MLIP: variants seen among roughly 807,000 people sequenced by gnomAD.
The protein encoded by MLIP is muscular LMNA-interacting protein.
A neutral mutation model predicts 84.8 loss-of-function variants in MLIP; 79 were observed. That is an observed-to-expected ratio of 0.93 (90% CI 0.78 to 1.12). The LOEUF is 1.12. Ranked by LOEUF, MLIP falls within the 50% of genes most tolerant of loss-of-function variation. The probability of loss-of-function intolerance (pLI) is 0.00; values close to 1 mark genes in which losing one functional copy is unlikely to be tolerated. For missense variants in MLIP, 1,257 were observed against 1,160.6 expected (o/e 1.08, Z -1.21); for synonymous variants, 504 against 463.0 (o/e 1.09, Z -1.14).
chr6:54,099,912 T>G (rs1036855793), intron 1 of MLIP, among the ~76,000 whole-genome samples: 1 of 152,002 alleles, frequency 6.6e-6, no homozygotes, highest in Admixed American at 6.6e-5. Context: ...ATGATAAAAG[T>G]TGATCAGAGA....
intron 3 of MLIP, among the ~76,000 whole-genome samples, chr6:54,134,426 T>C (rs1771639889): frequency 6.6e-6 from 1 of 151,940 alleles, no homozygotes; most frequent in Non-Finnish European, 1.5e-5. Flanking sequence ...AAGGAATATG[T>C]TGCATATACT....
chr6:54,080,928 C>A (rs1412868165), intron 1 of MLIP, among the ~76,000 whole-genome samples: 3 of 151,818 alleles, frequency 2.0e-5, no homozygotes, highest in Admixed American at 2.0e-4. Context: ...AAGATTTATT[C>A]TCCTCTTTCA....
chr6:54,192,401 T>G (rs945858626), intron 10 of MLIP, among the ~76,000 whole-genome samples: 1 of 151,952 alleles, frequency 6.6e-6, no homozygotes, highest in Non-Finnish European at 1.5e-5. Context: ...TACCCGAGAG[T>G]GAAATAAATA....
chr6:54,223,236 GT>G (rs1455773316), intron 11 of MLIP, among the ~76,000 whole-genome samples: 1 of 151,476 alleles, frequency 6.6e-6, no homozygotes, highest in Non-Finnish European at 1.5e-5. Context: ...ATTTTTTTAA[GT>G]TTGTTGCAAT....
At chr6:54,053,541 T>C (rs937544733) in intron 1 of MLIP, among the ~76,000 whole-genome samples, 3 of 152,224 alleles carry the variant, frequency 2.0e-5, no homozygotes, top group African/African-American at 2.4e-5. Flanking sequence ...TATTAATTTC[T>C]TGATTTACCA....
chr6:54,101,506 A>G (rs1768644624), intron 1 of MLIP, among the ~76,000 whole-genome samples: 1 of 152,134 alleles, frequency 6.6e-6, no homozygotes, highest in Non-Finnish European at 1.5e-5. Flanking sequence ...ATGGAATTTG[A>G]GTAAGTTATA....
chr6:54,051,320 A>C (rs1765362187), intron 1 of MLIP, among the ~76,000 whole-genome samples: 1 of 151,586 alleles, frequency 6.6e-6, no homozygotes, highest in African/African-American at 2.4e-5. Flanking sequence ...TCTTTGAATT[A>C]AATTGTTTAA....
At chr6:54,264,393 G>C (rs769702712) in intron 13 of MLIP, among the ~76,000 whole-genome samples, 10 of 151,928 alleles carry the variant, frequency 6.6e-5, no homozygotes, top group Non-Finnish European at 1.5e-4. Flanking sequence ...CTAAGTAATG[G>C]CTATGTGAAC....
At chr6:54,198,475 T>C (rs1778448729) in intron 10 of MLIP, among the ~76,000 whole-genome samples, 1 of 152,148 alleles carries the variant, frequency 6.6e-6, no homozygotes, top group South Asian at 2.1e-4. Flanking sequence ...TATGCTGTTT[T>C]ATAGACTTTC....
At chr6:54,028,972 T>G (rs1282021809) in intron 1 of MLIP, 1 of 152,238 alleles carries the variant, frequency 6.6e-6, no homozygotes, top group Non-Finnish European at 1.5e-5. Flanking sequence ...TTCACACTGA[T>G]TTTTCTCTTT....
chr6:54,179,925 A>G (rs1776679649), intron 9 of MLIP, among the ~76,000 whole-genome samples: 1 of 152,220 alleles, frequency 6.6e-6, no homozygotes, highest in East Asian at 1.9e-4. Context: ...CTTCCTGCTC[A>G]TTAACAGTCT....
intron 12 of MLIP, among the ~76,000 whole-genome samples, chr6:54,233,103 G>C (rs1324572338): frequency 6.6e-6 from 1 of 152,156 alleles, no homozygotes; most frequent in Non-Finnish European, 1.5e-5. Context: ...TTTCATCCTG[G>C]AATAAAACAG....
intron 1 of MLIP, among the ~76,000 whole-genome samples, chr6:54,049,922 G>A (rs1765280854): frequency 6.6e-6 from 1 of 152,110 alleles, no homozygotes; most frequent in Admixed American, 6.6e-5. Context: ...ATACTAAAGT[G>A]CAACATTGTA....
chr6:54,088,930 C>G (rs1024474275), intron 1 of MLIP, among the ~76,000 whole-genome samples: 6 of 151,996 alleles, frequency 3.9e-5, no homozygotes, highest in Non-Finnish European at 8.8e-5. Flanking sequence ...ACCTTGGGGG[C>G]CACCTTTTTT....
At chr6:54,078,856 T>G (rs1766965159) in intron 1 of MLIP, among the ~76,000 whole-genome samples, 1 of 152,006 alleles carries the variant, frequency 6.6e-6, no homozygotes, top group African/African-American at 2.4e-5. Context: ...CACATGCAGC[T>G]AATTTTTGCA....
intron 1 of MLIP, among the ~76,000 whole-genome samples, chr6:54,037,516 A>C (rs1764512390): frequency 6.6e-6 from 1 of 151,970 alleles, no homozygotes; most frequent in African/African-American, 2.4e-5. Context: ...AGCCTGTGAA[A>C]GAGGCTTAAT....
chr6:54,048,607 AG>A (rs1466953510), intron 1 of MLIP, among the ~76,000 whole-genome samples: 1 of 152,198 alleles, frequency 6.6e-6, no homozygotes, highest in Non-Finnish European at 1.5e-5. Context: ...GGCAGCCATC[AG>A]TTATTGGGGA....
chr6:54,193,909 G>A (rs1335189225), intron 10 of MLIP, among the ~76,000 whole-genome samples: 3 of 152,056 alleles, frequency 2.0e-5, no homozygotes, highest in African/African-American at 7.2e-5. Flanking sequence ...ACACAAGTTA[G>A]GCACCCCAAG....
At chr6:54,241,185 T>C (rs1781713251) in intron 12 of MLIP, among the ~76,000 whole-genome samples, 1 of 151,970 alleles carries the variant, frequency 6.6e-6, no homozygotes. Context: ...TGAAAAACTT[T>C]AAAAGAAAAA....
Sources: allele counts gnomAD v4.1 joint callset (sites outside exome capture counted in the v4.1 genomes callset), GRCh38; gene constraint gnomAD v4.1.1; transcripts MANE v1.5; gene names NCBI Gene and HGNC (gene_info 2026-07-23, HGNC 2026-07-21).